Variants in SOX6 observed in about 807,000 individuals in gnomAD.
SOX6 encodes SRY-box transcription factor 6, also known as transcription factor SOX-6.
In SOX6, 11 loss-of-function variants were observed where a neutral mutation model predicts 97.8. The observed-to-expected ratio is 0.11, with a 90% CI of 0.07 to 0.19. The LOEUF (loss-of-function observed/expected upper bound fraction) is 0.19. Among genes scored for constraint, SOX6 ranks in the 10% least tolerant of loss-of-function variants. The probability of loss-of-function intolerance (pLI) is 1.00; values close to 1 mark genes in which losing one functional copy is unlikely to be tolerated. For missense variants in SOX6, 810 were observed against 1,039.5 expected, an observed-to-expected ratio of 0.78 and a Z score of 3.04; for synonymous variants, 360 against 371.4, an observed-to-expected ratio of 0.97 and a Z score of 0.35.
At chr11:16,251,724 C>G (rs937325851) in intron 3 of SOX6, among the ~76,000 whole-genome samples, 2 of 151,952 alleles carry the variant, frequency 1.3e-5, no homozygotes, top group African/African-American at 4.8e-5. Context: ...TGTTAGGGGA[C>G]CAGCCAAATA....
At chr11:16,498,063 G>C (rs912276623) in intron 4 of SOX6, among the ~76,000 whole-genome samples, 1 of 152,180 alleles carries the variant, frequency 6.6e-6, no homozygotes, top group African/African-American at 2.4e-5. Context: ...AGCGAAGCCA[G>C]AGAGAAAGGT....
intron 3 of SOX6, among the ~76,000 whole-genome samples, chr11:16,242,862 T>TGGTTTTAAGGACCCTTTATAGTTG (rs1853234488): frequency 6.6e-6 from 1 of 152,014 alleles, no homozygotes; most frequent in African/African-American, 2.4e-5. Flanking sequence ...GTCCTCAATT[T>TGGTTTTAAGGACCCTTTATAGTTG]GGTTTTAAGG....
At chr11:16,200,152 AC>A (rs1156347982) in intron 4 of SOX6, among the ~76,000 whole-genome samples, 6 of 152,094 alleles carry the variant, frequency 3.9e-5, no homozygotes, top group Admixed American at 6.5e-5. Flanking sequence ...TAGATAAAAA[AC>A]AAGCCATTCT....
At chr11:16,541,292 C>T (rs1030569364) in intron 4 of SOX6, among the ~76,000 whole-genome samples, 2 of 152,172 alleles carry the variant, frequency 1.3e-5, no homozygotes, top group Non-Finnish European at 2.9e-5. Flanking sequence ...AAACTGCATA[C>T]CTTCCTTACA....
chr11:16,464,877 A>G (rs1472128218), intron 1 of SOX6, among the ~76,000 whole-genome samples: 1 of 152,210 alleles, frequency 6.6e-6, no homozygotes, highest in Non-Finnish European at 1.5e-5. Flanking sequence ...TAAACTTTAC[A>G]TAAATCAGGG....
intron 4 of SOX6, among the ~76,000 whole-genome samples, chr11:16,600,855 T>G (rs1198689202): frequency 6.6e-6 from 1 of 152,184 alleles, no homozygotes; most frequent in African/African-American, 2.4e-5. Flanking sequence ...CGGATCACAT[T>G]TGAAAAACCT....
At chr11:16,455,034 G>A (rs1021106799) in intron 1 of SOX6, among the ~76,000 whole-genome samples, 2 of 151,882 alleles carry the variant, frequency 1.3e-5, no homozygotes, top group East Asian at 1.9e-4. Context: ...GACACAGGTG[G>A]CAAATTACCT....
At chr11:16,048,363 C>T (rs78460943) in intron 11 of SOX6, among the ~76,000 whole-genome samples, 1,610 of 152,262 alleles carry the variant, frequency 0.011, 27 homozygotes, top group African/African-American at 0.037. Context: ...TGTAGAGATC[C>T]AATATTCCAA....
At chr11:16,494,072 G>A (rs569574656) in intron 4 of SOX6, among the ~76,000 whole-genome samples, 8 of 152,244 alleles carry the variant, frequency 5.3e-5, no homozygotes, top group African/African-American at 1.9e-4. Flanking sequence ...GGAATATAAT[G>A]TAGTCAGTTA....
rs975104419 is a variant in SOX6 at position 16,101,680 on chromosome 11, A to T, written c.899-3992T>A. 1.1e-4 allele frequency among the ~76,000 whole-genome samples: 16 copies of T among 151,864 alleles called. No individual in the cohort carries two copies. The East Asian group carries it at 1.9e-3, about 18-fold the overall frequency. On this transcript the variant is annotated intron_variant, in intron 7 of 15. Transcript: ENST00000683767. The stretch of plus-strand genomic sequence containing the variant: ...CATCCCCATTACATAAAATTGATTT[A>T]AAAAATCCTCAGTTTCATACTAGGG...
At chr11:16,672,466 A>G (rs1159242061) in intron 3 of SOX6, among the ~76,000 whole-genome samples, 1 of 152,236 alleles carries the variant, frequency 6.6e-6, no homozygotes, top group East Asian at 1.9e-4. Flanking sequence ...TCACAGTTCT[A>G]TGTGGCTGGG....
At chr11:16,734,990 C>A (rs1227382452) in intron 2 of SOX6, among the ~76,000 whole-genome samples, 1 of 152,118 alleles carries the variant, frequency 6.6e-6, no homozygotes, top group Non-Finnish European at 1.5e-5. Flanking sequence ...GAACTGAATT[C>A]TTATTTTAAT....
At chr11:16,413,854 G>A (rs1483842628) in intron 1 of SOX6, among the ~76,000 whole-genome samples, 1 of 152,192 alleles carries the variant, frequency 6.6e-6, no homozygotes, top group African/African-American at 2.4e-5. Context: ...TACCACAAAA[G>A]TCTAACATTT....
chr11:15,980,858 T>C (rs1590105779), intron 15 of SOX6, among the ~76,000 whole-genome samples: 3 of 152,082 alleles, frequency 2.0e-5, no homozygotes, highest in African/African-American at 7.2e-5. Context: ...TGCAGTGCTG[T>C]GCCATGTCTT....
chr11:16,637,768 T>G (rs757640307), intron 3 of SOX6, among the ~76,000 whole-genome samples: 3 of 152,094 alleles, frequency 2.0e-5, no homozygotes, highest in Non-Finnish European at 4.4e-5. Context: ...TTAAAATATA[T>G]TTCTCAAGGT....
intron 3 of SOX6, among the ~76,000 whole-genome samples, chr11:16,262,246 C>A (rs929418493): frequency 8.5e-5 from 13 of 152,176 alleles, no homozygotes; most frequent in African/African-American, 2.9e-4. Context: ...AAGTCAAGCA[C>A]ATCAACAATG....
chr11:16,170,888 A>G (rs1158754107), intron 6 of SOX6, among the ~76,000 whole-genome samples: 2 of 151,894 alleles, frequency 1.3e-5, no homozygotes, highest in Non-Finnish European at 2.9e-5. Context: ...TTTCCCACCT[A>G]TTTCTCCCCC....
intron 1 of SOX6, among the ~76,000 whole-genome samples, chr11:16,392,919 T>G (rs1858228950): frequency 1.3e-5 from 2 of 152,142 alleles, no homozygotes; most frequent in Non-Finnish European, 2.9e-5. Context: ...AGAGGACATC[T>G]TCTCATAAAC....
intron 4 of SOX6, among the ~76,000 whole-genome samples, chr11:16,554,342 C>A (rs1023618669): frequency 2.0e-5 from 3 of 152,092 alleles, no homozygotes; most frequent in African/African-American, 7.2e-5. Flanking sequence ...ACAGAATGAC[C>A]TGGAATTTAT....
Sources: gnomAD v4.1 joint callset for allele counts (sites outside exome capture counted in the v4.1 genomes callset) on GRCh38, gnomAD v4.1.1 for gene constraint, MANE v1.5 for transcripts, NCBI Gene and HGNC (gene_info 2026-07-23, HGNC 2026-07-21) for gene names.